TGM6: variants seen among roughly 807,000 people sequenced by gnomAD.
The protein encoded by TGM6 is transglutaminase 6.
TGM6 carries 74 observed loss-of-function variants against 77.5 expected under a neutral mutation model. That is an observed-to-expected ratio of 0.96 (90% CI 0.79 to 1.16). The LOEUF is 1.16. Among genes scored for constraint, TGM6 ranks in the 50% most tolerant of loss-of-function variants. TGM6 has a pLI of 0.00. For missense variants in TGM6, 968 were observed against 940.2 expected, an observed-to-expected ratio of 1.03 and a Z score of -0.39; for synonymous variants, 383 against 378.9, an observed-to-expected ratio of 1.01 and a Z score of -0.12.
chr20:2,397,168 G>A (rs918813427), intron 4 of TGM6, among the ~76,000 whole-genome samples: 7 of 152,216 alleles, frequency 4.6e-5, no homozygotes, highest in Non-Finnish European at 8.8e-5. Flanking sequence ...CCTCCACTTC[G>A]GCCATTGTGG....
chr20:2,391,766 A>G (rs2084630792), intron 1 of TGM6, among the ~76,000 whole-genome samples: 2 of 152,198 alleles, frequency 1.3e-5, no homozygotes. Flanking sequence ...GCTTTGCTTA[A>G]AACAATATTT....
chr20:2,407,682 A>G lies in TGM6; in HGVS notation c.1336+3859A>G, dbSNP rs576644028. On this transcript the variant is annotated intron_variant, in intron 9 of 12. Coordinates refer to ENST00000202625, the MANE Select transcript of TGM6 (RefSeq NM_198994.3). ...ACAGGGAGGTTAAGTAACTTCCCCA[A>G]GTTTCCAAAGCCCAGAAGAGCTGGA... 2.0e-5 allele frequency among the ~76,000 whole-genome samples: 3 copies of G among 152,352 alleles called. No homozygotes were observed. The East Asian group carries it at 5.8e-4, about 29-fold the overall frequency.
chr20:2,382,449 T>A (rs1214003088), intron 1 of TGM6, among the ~76,000 whole-genome samples: 2 of 152,198 alleles, frequency 1.3e-5, no homozygotes, highest in African/African-American at 4.8e-5. Flanking sequence ...AGACTTAAAC[T>A]TGACAGTGCG....
chr20:2,399,550 C>T lies in TGM6; in HGVS notation c.673-11C>T, dbSNP rs2084690626. On this transcript the variant is annotated splice_polypyrimidine_tract_variant and intron_variant, in intron 5 of 12. Coordinates refer to ENST00000202625, the MANE Select transcript of TGM6 (RefSeq NM_198994.3). ...CTGCCTGGTTGTGGACCCGTGCCCT[C>T]CTCTGCCCAGGTGAACAGCAACAAC... is the stretch of plus-strand genomic sequence containing the variant. The T allele has an allele frequency of 1.2e-6, 2 of 1,612,270 alleles. No homozygotes were observed. Among genetic ancestry groups the T allele is most frequent in the Non-Finnish European group, 1.7e-6 (2 of 1,179,878 alleles).
At chr20:2,390,528 T>C (rs1304836703) in intron 1 of TGM6, among the ~76,000 whole-genome samples, 2 of 152,198 alleles carry the variant, frequency 1.3e-5, no homozygotes, top group African/African-American at 2.4e-5. Context: ...ATTAATATAT[T>C]TAAGAAATAT....
At chr20:2,421,209 T>G (rs967823662) in intron 10 of TGM6, among the ~76,000 whole-genome samples, 1 of 152,156 alleles carries the variant, frequency 6.6e-6, no homozygotes, top group African/African-American at 2.4e-5. Flanking sequence ...ATGGTCTTGA[T>G]CTCCTGACCT....
At chr20:2,417,984 G>C (rs943815108) in intron 10 of TGM6, among the ~76,000 whole-genome samples, 2 of 152,170 alleles carry the variant, frequency 1.3e-5, no homozygotes, top group Non-Finnish European at 1.5e-5. Flanking sequence ...GGAGAGGGCT[G>C]GACTGGTAAC....
intron 9 of TGM6, among the ~76,000 whole-genome samples, chr20:2,406,124 G>A (rs1244789285): frequency 1.3e-5 from 2 of 152,160 alleles, no homozygotes; most frequent in African/African-American, 4.8e-5. Flanking sequence ...TTTCTTGACT[G>A]TCAAAGACAT....
intron 1 of TGM6, among the ~76,000 whole-genome samples, chr20:2,383,415 C>T (rs1226610854): frequency 6.6e-6 from 1 of 152,178 alleles, no homozygotes; most frequent in Non-Finnish European, 1.5e-5. Flanking sequence ...ATGTTCTGCA[C>T]ATGGACCCTT....
chr20:2,417,844 A>C (rs540328854), intron 10 of TGM6, among the ~76,000 whole-genome samples: 1 of 152,238 alleles, frequency 6.6e-6, no homozygotes, highest in East Asian at 1.9e-4. Flanking sequence ...CTATTTTTTT[A>C]ATTAGAATGA....
chr20:2,431,387 T>C (rs1050230897), intron 12 of TGM6, among the ~76,000 whole-genome samples: 11 of 152,372 alleles, frequency 7.2e-5, no homozygotes, highest in African/African-American at 2.6e-4. Context: ...TTCATTCACT[T>C]ATTCCTACAT....
At chr20:2,395,123 A>G (rs962355315) in intron 2 of TGM6, 71 bp from the exon 3 acceptor site, 4 of 1,585,356 alleles carry the variant, frequency 2.5e-6, no homozygotes, top group Non-Finnish European at 3.4e-6. Context: ...CCAGGCCTGT[A>G]GCTTTTTTCA....
chr20:2,401,689 CTG>C (rs1418787449), intron 7 of TGM6, among the ~76,000 whole-genome samples: 4 of 152,160 alleles, frequency 2.6e-5, no homozygotes, highest in African/African-American at 9.7e-5. Context: ...GATGAGGAAA[CTG>C]AAGCACAGAG....
At chr20:2,390,180 T>C (rs191161612) in intron 1 of TGM6, among the ~76,000 whole-genome samples, 1 of 152,318 alleles carries the variant, frequency 6.6e-6, no homozygotes, top group African/African-American at 2.4e-5. Context: ...GCCCTTCCTG[T>C]TCATTGTACT....
chr20:2,432,452 G>A, intron 12 of TGM6, 38 bp from the exon 13 acceptor site: 4 of 1,612,692 alleles, frequency 2.5e-6, no homozygotes, highest in Non-Finnish European at 3.4e-6. Flanking sequence ...ATGGCAAGAG[G>A]ACTGACAGTC....
At chr20:2,432,456 G>A (rs2084929574) in intron 12 of TGM6, 34 bp from the exon 13 acceptor site, 1 of 1,612,982 alleles carries the variant, frequency 6.2e-7, no homozygotes, top group Non-Finnish European at 8.5e-7. Flanking sequence ...CAAGAGGACT[G>A]ACAGTCTGCC....
intron 10 of TGM6, among the ~76,000 whole-genome samples, chr20:2,422,137 A>T (rs574557046): frequency 2.4e-4 from 37 of 152,170 alleles, no homozygotes; most frequent in African/African-American, 6.3e-4. Flanking sequence ...ATCTCAAAAA[A>T]ATATATATAT....
chr20:2,395,403 G>A lies in TGM6; in HGVS notation c.391G>A (p.Glu131Lys), dbSNP rs757415452. The A allele has an allele frequency of 6.8e-6, 11 of 1,614,120 alleles. No individual in the cohort carries two copies. Among genetic ancestry groups the A allele is most frequent in the Admixed American group, 1.7e-5 (1 of 60,008 alleles). The stretch of plus-strand genomic sequence containing the variant: ...CAAACACAGCAACCGGAGGCTGGGC[G>A]AGTTTGTTCTCCTTTTCAACCCATG... Reference protein sequence around the residue: ...HRKHSNRRLGEFVLLFNPWCA... With the variant: ...HRKHSNRRLGKFVLLFNPWCA... Residue 131 changes from glutamate (E) to lysine (K), a missense_variant, in exon 3 of 13, where the codon GAG becomes AAG. Physicochemically the swap from Glu to Lys is moderately conservative, Grantham distance 56. Coordinates refer to ENST00000202625, the MANE Select transcript of TGM6 (RefSeq NM_198994.3).
chr20:2,399,712 G>A lies in TGM6; in HGVS notation c.824G>A (p.Trp275Ter). ...RYKPVKYGQC[W>*]VFAGVLCTVL... Reference sequence around the variant, plus strand: ...AAGCCAGTCAAGTACGGCCAGTGCTGGGTCTTCGCCGGAGTCCTGTGCACA... The same window carrying A: ...AAGCCAGTCAAGTACGGCCAGTGCTAGGTCTTCGCCGGAGTCCTGTGCACA... Residue 275 changes from tryptophan to a stop codon, truncating the protein, a stop_gained, in exon 6 of 13, where the codon TGG becomes TAG. Transcript: ENST00000202625. LOFTEE classifies it high-confidence loss of function. 1 of 1,614,046 alleles carries A rather than the reference G, an allele frequency of 6.2e-7. No individual in the cohort carries two copies. Among genetic ancestry groups the A allele is most frequent in the Non-Finnish European group, 8.5e-7 (1 of 1,180,014 alleles).
Sources: allele counts gnomAD v4.1 joint callset (sites outside exome capture counted in the v4.1 genomes callset), GRCh38; gene constraint gnomAD v4.1.1; transcripts MANE v1.5; gene names NCBI Gene and HGNC (gene_info 2026-07-23, HGNC 2026-07-21).